XPOT: variants seen among roughly 807,000 people sequenced by gnomAD.
The protein encoded by XPOT is exportin-T.
In XPOT, 34 loss-of-function variants were observed where a neutral mutation model predicts 128.2. The observed-to-expected ratio is 0.27, with a 90% confidence interval of 0.20 to 0.35. XPOT has a LOEUF of 0.35. Among genes scored for constraint, XPOT ranks in the 10% least tolerant of loss-of-function variants. The pLI is 1.00. For missense variants in XPOT, 838 were observed against 1,125.3 expected, an observed-to-expected ratio of 0.74 and a Z score of 3.65; for synonymous variants, 348 against 394.3, an observed-to-expected ratio of 0.88 and a Z score of 1.39.
At chr12:64,407,135 A>G (rs181107976) in intron 1 of XPOT, among the ~76,000 whole-genome samples, 89 of 152,314 alleles carry the variant, frequency 5.8e-4, no homozygotes, top group African/African-American at 2.0e-3. Context: ...TCCAAAACCT[A>G]TGCTCTACTA....
chr12:64,412,112 C>T (rs1350423284), intron 2 of XPOT, among the ~76,000 whole-genome samples: 1 of 147,150 alleles, frequency 6.8e-6, no homozygotes, highest in Non-Finnish European at 1.5e-5. Flanking sequence ...CAACCTCCAA[C>T]TCCCGGGTTC....
rs770586123 is a variant in XPOT at position 64,421,266 on chromosome 12, C to G, written c.875C>G (p.Ser292Cys). The change falls in exon 9 of 25, where the codon TCT (serine) becomes TGT (cysteine). Residue 292 changes from serine (S) to cysteine (C), a missense_variant. By Grantham distance (112) the Ser-to-Cys change is moderately radical (BLOSUM62 -1). Transcript: ENST00000332707. ...GATGTTGACTTCCTGGCCAGATTTTCTAAGTTGGTAAATGGAATGGGACAG... is the reference window on the plus strand; with the variant it reads ...GATGTTGACTTCCTGGCCAGATTTTGTAAGTTGGTAAATGGAATGGGACAG... ...EEDVDFLARF[S>C]KLVNGMGQSL... 2 of 1,613,786 alleles carry G rather than the reference C, an allele frequency of 1.2e-6. No individual in the cohort carries two copies. Among genetic ancestry groups the G allele is most frequent in the Non-Finnish European group, 1.7e-6 (2 of 1,179,810 alleles).
rs1592344667 is a variant in XPOT at position 64,448,326 on chromosome 12, A to G, written c.*195A>G. On this transcript the variant is annotated 3_prime_UTR_variant, in exon 25 of 25. Transcript: ENST00000332707. ...TGTAACAACAAAAGAAGTTGCCTGC[A>G]TGCCGGTCCAAATTGTTCTGTATAA... is the stretch of plus-strand genomic sequence containing the variant. 2 of 595,002 alleles carry G rather than the reference A, an allele frequency of 3.4e-6. No homozygotes were observed. 36.9% of individuals were successfully genotyped at this position (595,002 alleles called of 1,614,324 possible).
Position 64,419,099 on chromosome 12 carries a change from GTAAC to G in XPOT, c.489+10_489+13del, listed in dbSNP as rs750455047. 67 of 1,606,894 alleles carry G rather than the reference GTAAC, an allele frequency of 4.2e-5. 1 individual carries two copies. In the African/African-American group the frequency reaches 7.2e-4, roughly 17 times the overall value. Reference sequence around the variant, plus strand: ...GATGTGGTGCATACATCAGAGGCAAGTAACTAACCATGAATTTTTTATATTTAAT... The same window carrying G: ...GATGTGGTGCATACATCAGAGGCAAGTAACCATGAATTTTTTATATTTAAT... On this transcript the variant is annotated splice_donor_region_variant and intron_variant, in intron 6 of 24. Transcript: ENST00000332707.
intron 8 of XPOT, among the ~76,000 whole-genome samples, chr12:64,421,024 A>T (rs2040134033): frequency 6.6e-6 from 1 of 151,912 alleles, no homozygotes; most frequent in Non-Finnish European, 1.5e-5. Context: ...CTTGTCTCGA[A>T]CTCTTGACCT....
At chr12:64,408,664 AT>A (rs11440677) in intron 1 of XPOT, among the ~76,000 whole-genome samples, 7 of 151,124 alleles carry the variant, frequency 4.6e-5, no homozygotes, top group African/African-American at 1.5e-4. Flanking sequence ...TCATTTGTGG[AT>A]TTTTTTTTGT....
chr12:64,412,812 A>G (rs991638559), intron 2 of XPOT, among the ~76,000 whole-genome samples: 6 of 152,178 alleles, frequency 3.9e-5, no homozygotes, highest in African/African-American at 1.4e-4. Context: ...CATATTTCTG[A>G]TGATGGAGTA....
intron 15 of XPOT, 75 bp downstream of exon 15, chr12:64,425,984 C>A: frequency 1.4e-6 from 2 of 1,387,492 alleles, no homozygotes; most frequent in Non-Finnish European, 2.0e-6. Context: ...ATAGTAAAGA[C>A]ATGGAATCAA....
chr12:64,450,926 G>C lies in XPOT; in HGVS notation c.*2795G>C, dbSNP rs1018626827. 6.6e-6 allele frequency: 1 copy of C among 152,182 alleles called. No individual in the cohort carries two copies. Among genetic ancestry groups the C allele is most frequent in the Admixed American group, 6.5e-5 (1 of 15,270 alleles). 9.4% of individuals were successfully genotyped at this position (152,182 alleles called of 1,614,324 possible). A position where few individuals can be genotyped will look rare whatever the true frequency, so the allele number is the denominator to read the frequency against. ...GGTAAACATGTGAATGAAGGCCTGT[G>C]GCTCAGTTAATCACTCCCACAACTT... On this transcript the variant is annotated 3_prime_UTR_variant, in exon 25 of 25. Transcript: ENST00000332707.
rs747147672 is a variant in XPOT, at chr12:64,419,014, A to C, written c.409A>C (p.Arg137=). ...TCTCTCAGTAGTGGACCTAAATCCA[A>C]GGGGAGTAGATCTCTACCTGCGAAT... The part of the protein sequence containing the change: ...DILSVVDLNP[R]GVDLYLRILM... The change falls in exon 6 of 25, where the codon AGG becomes CGG. Residue 137 remains arginine (R), a synonymous_variant. Transcript: ENST00000332707. 3.1e-6 allele frequency: 5 copies of C among 1,614,004 alleles called. No homozygotes were observed. In the Admixed American group the frequency reaches 8.3e-5, roughly 27 times the overall value.
Position 64,420,548 on chromosome 12 carries a change from A to G in XPOT, c.843+27A>G, listed in dbSNP as rs200171060. 1.9e-5 allele frequency: 30 copies of G among 1,575,592 alleles called. No homozygotes were observed. In the East Asian group the frequency reaches 3.8e-4, roughly 20 times the overall value. On this transcript the variant is annotated intron_variant, in intron 8 of 24. Transcript: ENST00000332707. ...TTGGTAAATTTATATAAAACATTGT[A>G]TGTAAAGTTGTTAGAACAAACTGGG...
chr12:64,412,314 C>T (rs1219932039), intron 2 of XPOT, among the ~76,000 whole-genome samples: 2 of 151,982 alleles, frequency 1.3e-5, no homozygotes, highest in African/African-American at 4.8e-5. Flanking sequence ...CATGACTCAC[C>T]GCGCCCAGCC....
intron 23 of XPOT, among the ~76,000 whole-genome samples, chr12:64,439,559 C>T (rs908073119): frequency 1.3e-5 from 2 of 152,088 alleles, no homozygotes; most frequent in East Asian, 3.8e-4. Flanking sequence ...GTTTGATAAC[C>T]ATTATTCAGT....
chr12:64,408,672 TTG>T, intron 1 of XPOT, among the ~76,000 whole-genome samples: 1 of 151,956 alleles, frequency 6.6e-6, no homozygotes, highest in African/African-American at 2.4e-5. Context: ...GGATTTTTTT[TTG>T]TGTGTTTTGT....
rs745946533 is a variant in XPOT, at chr12:64,423,196, C to T, written c.1134C>T (p.Ala378=). ...QKANVEAIML[A]VMKKLTYDEE... is the part of the protein sequence containing the mutation. The stretch of plus-strand genomic sequence containing the variant: ...TTTATTCTTAGGCAATCATGTTGGC[C>T]GTTATGAAAAAATTGACTTACGATG... Residue 378 remains alanine, a synonymous_variant, in exon 11 of 25, where the codon GCC becomes GCT. Coordinates refer to ENST00000332707, the MANE Select transcript of XPOT (RefSeq NM_007235.6). 3.0e-5 allele frequency: 48 copies of T among 1,594,186 alleles called. No homozygotes were observed. Among genetic ancestry groups the T allele is most frequent in the South Asian group, 5.8e-5 (5 of 85,990 alleles).
chr12:64,440,498 A>G (rs1425247772), intron 23 of XPOT, among the ~76,000 whole-genome samples: 2 of 152,208 alleles, frequency 1.3e-5, no homozygotes, highest in Non-Finnish European at 2.9e-5. Context: ...GCTGGATTAT[A>G]TGGTAGTCCT....
At chr12:64,438,962 C>T (rs1184686936) in intron 22 of XPOT, among the ~76,000 whole-genome samples, 2 of 152,122 alleles carry the variant, frequency 1.3e-5, no homozygotes, top group African/African-American at 4.8e-5. Flanking sequence ...GAAACTGAGG[C>T]TTAGAGAGGT....
intron 17 of XPOT, 70 bp downstream of exon 17, chr12:64,430,357 C>A: frequency 8.2e-7 from 1 of 1,222,542 alleles, no homozygotes; most frequent in Non-Finnish European, 1.1e-6. Context: ...GTTTGGTGGG[C>A]ACACACATTT....
chr12:64,410,687 G>A (rs970982855), intron 2 of XPOT, among the ~76,000 whole-genome samples: 1 of 152,210 alleles, frequency 6.6e-6, no homozygotes, highest in Admixed American at 6.5e-5. Flanking sequence ...GTTATGATAG[G>A]TTATGTCTTA....
Sources: gnomAD v4.1 joint callset for allele counts (sites outside exome capture counted in the v4.1 genomes callset) on GRCh38, gnomAD v4.1.1 for gene constraint, MANE v1.5 for transcripts, NCBI Gene and HGNC (gene_info 2026-07-23, HGNC 2026-07-21) for gene names.